The following FHOD3 variants were observed in gnomAD, a reference collection of about 807,000 sequenced individuals.
FHOD3 encodes the protein FH1/FH2 domain-containing protein 3.
A neutral mutation model predicts 173.0 loss-of-function variants in FHOD3; 90 were observed. The observed-to-expected ratio is 0.52, with a 90% CI of 0.44 to 0.62. FHOD3 has a LOEUF of 0.62. FHOD3 is among the 20% of genes least tolerant of loss of function. FHOD3 has a pLI of 0.00. For synonymous variants in FHOD3, 828 were observed against 823.0 expected (o/e 1.01, Z -0.10); for missense variants, 1,945 against 2,034.7 (o/e 0.96, Z 0.85).
chr18:36,305,186 G>C (rs1319619974), intron 1 of FHOD3, among the ~76,000 whole-genome samples: 1 of 152,094 alleles, frequency 6.6e-6, no homozygotes, highest in African/African-American at 2.4e-5. Context: ...TCTGTTTTTA[G>C]AGACACATAG....
intron 1 of FHOD3, among the ~76,000 whole-genome samples, chr18:36,335,728 C>T (rs191986706): frequency 4.3e-4 from 66 of 152,202 alleles, no homozygotes; most frequent in Non-Finnish European, 6.9e-4. Context: ...TTGCCTCATA[C>T]GGATGCTGCT....
At chr18:36,654,264 C>T (rs951348800) in intron 13 of FHOD3, among the ~76,000 whole-genome samples, 15 of 152,126 alleles carry the variant, frequency 9.9e-5, no homozygotes, top group African/African-American at 3.4e-4. Context: ...ATGAAAATGA[C>T]CAGTCTTTAT....
rs556199183 is a variant in FHOD3, at chr18:36,767,459, A to G, written c.4625-1806A>G. Among the ~76,000 whole-genome samples, 213 of 152,296 alleles carry G rather than the reference A, an allele frequency of 1.4e-3. 2 individuals carry two copies. Among genetic ancestry groups the G allele is most frequent in the African/African-American group, 5.0e-3 (207 of 41,562 alleles). On this transcript the variant is annotated intron_variant, in intron 27 of 28. Transcript: ENST00000590592. Reference sequence around the variant, plus strand: ...CTCAGCCTCCTGAGTAGCTGGGACTATAGATGCACACCACCATGCTTGACT... The same window carrying G: ...CTCAGCCTCCTGAGTAGCTGGGACTGTAGATGCACACCACCATGCTTGACT...
At chr18:36,318,507 A>T (rs1003952498) in intron 1 of FHOD3, among the ~76,000 whole-genome samples, 1 of 152,160 alleles carries the variant, frequency 6.6e-6, no homozygotes, top group Non-Finnish European at 1.5e-5. Context: ...GGGAGTTCAC[A>T]CATGATTTGG....
intron 3 of FHOD3, among the ~76,000 whole-genome samples, chr18:36,478,047 T>G (rs2053687754): frequency 1.3e-5 from 2 of 152,152 alleles, no homozygotes; most frequent in Admixed American, 1.3e-4. Flanking sequence ...AGACAAAACA[T>G]GACAACTTAG....
rs557114088 is a variant in FHOD3 at position 36,492,598 on chromosome 18, T to C, written c.338-9334T>C. ...AGATAACCAATCATTAAGATTATTG[T>C]AGGGTTTATATACTCATAAGTATTT... On this transcript the variant is annotated intron_variant, in intron 3 of 28. Coordinates refer to ENST00000590592, the MANE Select transcript of FHOD3 (RefSeq NM_001281740.3). Among the ~76,000 whole-genome samples, 4 of 152,310 alleles carry C rather than the reference T, an allele frequency of 2.6e-5. No homozygotes were observed. The South Asian group carries it at 8.3e-4, about 32-fold the overall frequency.
intron 3 of FHOD3, among the ~76,000 whole-genome samples, chr18:36,480,040 T>A (rs989212606): frequency 3.3e-5 from 5 of 152,234 alleles, no homozygotes; most frequent in Admixed American, 1.3e-4. Context: ...TTTTGTAAAT[T>A]GTAAAGAGAA....
Position 36,441,312 on chromosome 18 carries a change from G to T in FHOD3, c.338-60620G>T, listed in dbSNP as rs141042965. 6.4e-3 allele frequency among the ~76,000 whole-genome samples: 972 copies of T among 152,298 alleles called. 4 individuals carry two copies. Among genetic ancestry groups the T allele is most frequent in the African/African-American group, 0.021 (885 of 41,564 alleles). The stretch of plus-strand genomic sequence containing the variant: ...GTCAGACCCTGGGCAAATTCAGAAG[G>T]GTGGGCATGAACCCTGCTTTCTGAG... On this transcript the variant is annotated intron_variant, in intron 3 of 28. Transcript: ENST00000590592.
chr18:36,576,492 G>C lies in FHOD3; in HGVS notation c.553G>C (p.Val185Leu). 2 of 1,613,878 alleles carry C rather than the reference G, an allele frequency of 1.2e-6. No homozygotes were observed. Among genetic ancestry groups the C allele is most frequent in the Non-Finnish European group, 1.7e-6 (2 of 1,179,906 alleles). ...IMLYVDGMNG[V>L]INRNETIQWL... ...GTTGTATGTGGATGGAATGAATGGA[G>C]TAATAAACCGCAATGAAACCATTCA... The change falls in exon 6 of 29, where the codon GTA (valine) becomes CTA (leucine). Residue 185 changes from valine (V) to leucine (L), a missense_variant. Physicochemically the swap from Val to Leu is conservative, Grantham distance 32. This residue lies in a region of FHOD3 where 245 missense variants were observed against 267.7 expected (regional missense o/e 0.92). Transcript: ENST00000590592.
At chr18:36,536,456 T>C (rs751671953) in intron 5 of FHOD3, among the ~76,000 whole-genome samples, 22 of 152,264 alleles carry the variant, frequency 1.4e-4, no homozygotes, top group Non-Finnish European at 2.6e-4. Flanking sequence ...TGTGCCCATT[T>C]AGGAATCCTG....
At chr18:36,324,670 T>C (rs1414471060) in intron 1 of FHOD3, among the ~76,000 whole-genome samples, 1 of 152,224 alleles carries the variant, frequency 6.6e-6, no homozygotes, top group Non-Finnish European at 1.5e-5. Context: ...GTGATACTAC[T>C]GCATACCCAC....
At chr18:36,609,360 CAAAA>C (rs34338484) in intron 8 of FHOD3, among the ~76,000 whole-genome samples, 2 of 144,804 alleles carry the variant, frequency 1.4e-5, no homozygotes, top group African/African-American at 2.5e-5. Context: ...GAGAATCAGC[CAAAA>C]AAAAAAAAAA....
chr18:36,438,193 G>T (rs759380302), intron 3 of FHOD3, among the ~76,000 whole-genome samples: 1 of 152,146 alleles, frequency 6.6e-6, no homozygotes, highest in Admixed American at 6.5e-5. Flanking sequence ...AAGCTGGCTA[G>T]CATGGTGGTT....
intron 20 of FHOD3, among the ~76,000 whole-genome samples, chr18:36,734,568 A>G (rs7242196): frequency 0.016 from 2,395 of 152,184 alleles, 68 homozygotes; most frequent in African/African-American, 0.055. Context: ...TGTGGCATCC[A>G]GGGCACTCTC....
chr18:36,398,887 G>C (rs1258262402), intron 3 of FHOD3, among the ~76,000 whole-genome samples: 2 of 152,146 alleles, frequency 1.3e-5, no homozygotes, highest in Non-Finnish European at 2.9e-5. Context: ...ACAGGGATGG[G>C]GGGGATCTGA....
intron 1 of FHOD3, among the ~76,000 whole-genome samples, chr18:36,337,918 G>T (rs1439142593): frequency 2.6e-5 from 4 of 152,158 alleles, no homozygotes; most frequent in Non-Finnish European, 5.9e-5. Flanking sequence ...GGCAGCGGAT[G>T]CTGACTTGGG....
At chr18:36,443,058 G>T (rs929730221) in intron 3 of FHOD3, among the ~76,000 whole-genome samples, 2 of 152,186 alleles carry the variant, frequency 1.3e-5, no homozygotes, top group Non-Finnish European at 2.9e-5. Context: ...GCCCTTCTCA[G>T]TTCATTGTAT....
intron 3 of FHOD3, among the ~76,000 whole-genome samples, chr18:36,404,958 C>A (rs1181696904): frequency 6.6e-6 from 1 of 152,170 alleles, no homozygotes; most frequent in Admixed American, 6.5e-5. Flanking sequence ...ATGCTCTCTT[C>A]ATATTCTGAC....
intron 3 of FHOD3, among the ~76,000 whole-genome samples, chr18:36,491,397 C>A (rs949637613): frequency 9.2e-5 from 14 of 152,116 alleles, no homozygotes; most frequent in Non-Finnish European, 2.1e-4. Context: ...ACTGATAAAC[C>A]AATATTGGCA....
Sources: gnomAD v4.1 joint callset for allele counts (sites outside exome capture counted in the v4.1 genomes callset) on GRCh38, gnomAD v4.1.1 for gene constraint, gnomAD v4.1.1 regional missense constraint, MANE v1.5 for transcripts, NCBI Gene and HGNC (gene_info 2026-07-23, HGNC 2026-07-21) for gene names.